TENM1: variants seen among roughly 807,000 people sequenced by gnomAD.
The protein encoded by TENM1 is teneurin transmembrane protein 1.
Under a neutral mutation model 174.8 loss-of-function variants are expected in TENM1, and 35 were observed. The observed-to-expected ratio is 0.20, with a 90% CI of 0.15 to 0.27. The LOEUF is 0.27. Among genes scored for constraint, TENM1 ranks in the 10% least tolerant of loss-of-function variants. TENM1 has a pLI of 1.00. For synonymous variants in TENM1, 781 were observed against 798.7 expected, an observed-to-expected ratio of 0.98 and a Z score of 0.37; for missense variants, 1,633 against 2,130.1, an observed-to-expected ratio of 0.77 and a Z score of 4.59.
intron 3 of TENM1, among the ~76,000 whole-genome samples, chrX:124,754,850 A>G (rs1325293512): frequency 9.4e-6 from 1 of 105,922 alleles, no homozygotes; most frequent in Non-Finnish European, 1.9e-5. Context: ...GTGGTCTGAG[A>G]AACAGTTTGT....
At chrX:124,517,460 C>T (rs2047732594) in intron 18 of TENM1, among the ~76,000 whole-genome samples, 1 of 109,531 alleles carries the variant, frequency 9.1e-6, no homozygotes, top group Non-Finnish European at 1.9e-5. Context: ...GGCACACATA[C>T]ACCATGGAAT....
intron 3 of TENM1, among the ~76,000 whole-genome samples, chrX:124,889,086 G>GT (rs2057434213): frequency 8.9e-6 from 1 of 111,892 alleles, no homozygotes; most frequent in Non-Finnish European, 1.9e-5. Flanking sequence ...GCAAGCTACC[G>GT]TATCTTTATC....
chrX:124,999,248 C>T, the TENM1 span, among the ~76,000 whole-genome samples: 1 of 110,762 alleles, frequency 9.0e-6, no homozygotes, highest in African/African-American at 3.3e-5. Flanking sequence ...ACAGGTTATA[C>T]ATTTTATGTA....
At chrX:124,766,915 C>A (rs968300853) in intron 3 of TENM1, among the ~76,000 whole-genome samples, 1 of 111,699 alleles carries the variant, frequency 9.0e-6, no homozygotes, top group African/African-American at 3.2e-5. Flanking sequence ...TATCTGATAT[C>A]TCTGTAACTT....
In TENM1 at chrX:124,739,329, G is replaced by A. The variant is rs752862024; in HGVS notation, c.536-2132C>T. On this transcript the variant is annotated intron_variant, in intron 3 of 31. Transcript: ENST00000422452. ...AAGTATAAAAGTATAAAACTATAAGGCTGGAAGAAATCATAGGGATCACCT... is the reference window on the plus strand; with the variant it reads ...AAGTATAAAAGTATAAAACTATAAGACTGGAAGAAATCATAGGGATCACCT... 2.2e-3 allele frequency among the ~76,000 whole-genome samples: 245 copies of A among 111,435 alleles called. 1 individual carries two copies. The highest frequency in any genetic ancestry group is 3.8e-3 in the Non-Finnish European group (202 of 53,060).
At chrX:125,164,203 A>C in the TENM1 span, among the ~76,000 whole-genome samples, 1 of 111,622 alleles carries the variant, frequency 9.0e-6, no homozygotes, top group African/African-American at 3.3e-5. Context: ...GCCTGAACTG[A>C]CCATTTGTTT....
intron 14 of TENM1, among the ~76,000 whole-genome samples, chrX:124,560,788 A>G (rs1201380914): frequency 8.9e-6 from 1 of 111,900 alleles, no homozygotes; most frequent in Non-Finnish European, 1.9e-5. Flanking sequence ...TTAATAATAT[A>G]CTTCATTTTA....
At chrX:124,764,088 T>C (rs2054484629) in intron 3 of TENM1, among the ~76,000 whole-genome samples, 1 of 112,442 alleles carries the variant, frequency 8.9e-6, no homozygotes, top group African/African-American at 3.2e-5. Flanking sequence ...TCAGTGATCA[T>C]TGCTTGCTCT....
the TENM1 span, among the ~76,000 whole-genome samples, chrX:124,976,365 G>T: frequency 9.0e-6 from 1 of 111,260 alleles, no homozygotes; most frequent in Admixed American, 9.6e-5. Flanking sequence ...CGAAAGTTCT[G>T]GCTCCAGAGC....
At chrX:124,846,638 C>T (rs2056613957) in intron 3 of TENM1, among the ~76,000 whole-genome samples, 1 of 111,255 alleles carries the variant, frequency 9.0e-6, no homozygotes, top group Non-Finnish European at 1.9e-5. Flanking sequence ...ACAATGATAA[C>T]AGGAAAAATA....
chrX:125,036,234 G>A, the TENM1 span, among the ~76,000 whole-genome samples: 1 of 111,684 alleles, frequency 9.0e-6, no homozygotes, highest in Non-Finnish European at 1.9e-5. Flanking sequence ...TGTAATTTAT[G>A]CCTGTTGTTG....
chrX:124,465,907 G>T (rs746550900), intron 22 of TENM1, among the ~76,000 whole-genome samples: 1 of 111,175 alleles, frequency 9.0e-6, no homozygotes, highest in East Asian at 2.8e-4. Flanking sequence ...TTCCAAATTT[G>T]TTGCTTGAAA....
intron 3 of TENM1, 68 bp downstream of exon 6, chrX:124,894,228 T>C: frequency 1.2e-6 from 1 of 860,835 alleles, no homozygotes; most frequent in Non-Finnish European, 1.7e-6. Flanking sequence ...TTCCATTTTG[T>C]GGGGGTAGGG....
chrX:124,487,020 C>G (rs547823083), intron 21 of TENM1, among the ~76,000 whole-genome samples, 189 bp downstream of exon 24: 1 of 112,131 alleles, frequency 8.9e-6, no homozygotes, highest in Admixed American at 9.5e-5. Context: ...TTTTGATCCT[C>G]CAGCAAATCC....
Position 124,413,620 on chromosome X carries a change from C to T in TENM1, c.4982+6691G>A, listed in dbSNP as rs767170165. 1.8e-4 allele frequency among the ~76,000 whole-genome samples: 20 copies of T among 112,095 alleles called. No homozygotes were observed. In the South Asian group the frequency reaches 2.3e-3, roughly 13 times the overall value. On this transcript the variant is annotated intron_variant, in intron 25 of 31. Transcript: ENST00000422452. ...TTTCAGTTCTTCCCAGAAATACCGA[C>T]GATAATTCTGTTTTACTCACTCTTG...
chrX:124,966,396 C>G (rs2058725167), upstream of TENM1, among the ~76,000 whole-genome samples: 2 of 111,874 alleles, frequency 1.8e-5, no homozygotes, highest in South Asian at 7.4e-4. Flanking sequence ...ATACCAAAAA[C>G]TCACGCCTGT....
the TENM1 span, among the ~76,000 whole-genome samples, chrX:125,075,706 T>G: frequency 5.5e-3 from 615 of 111,467 alleles, 2 homozygotes; most frequent in African/African-American, 0.019. Context: ...CCCTAGTTTT[T>G]CAGGAAAAGA....
intron 3 of TENM1, among the ~76,000 whole-genome samples, chrX:124,807,135 C>T (rs778952754): frequency 9.7e-6 from 1 of 102,813 alleles, no homozygotes; most frequent in East Asian, 2.8e-4. Flanking sequence ...GAACTCAGGG[C>T]AAGAGCTCAT....
the TENM1 span, among the ~76,000 whole-genome samples, chrX:124,973,681 T>G: frequency 8.9e-6 from 1 of 111,816 alleles, no homozygotes. Flanking sequence ...GAATGGGAGA[T>G]CTCTCATGAT....
Sources: allele counts gnomAD v4.1 joint callset (sites outside exome capture counted in the v4.1 genomes callset), GRCh38; gene constraint gnomAD v4.1.1; transcripts MANE v1.5; gene names NCBI Gene and HGNC (gene_info 2026-07-23, HGNC 2026-07-21).